Variants in CLEC9A observed in about 807,000 individuals in gnomAD.
The protein encoded by CLEC9A is C-type lectin domain containing 9A.
In CLEC9A, 24 loss-of-function variants were observed where a neutral mutation model predicts 30.0. The observed-to-expected ratio is 0.80, with a 90% CI of 0.58 to 1.13. The LOEUF (loss-of-function observed/expected upper bound fraction) is 1.13. Ranked by LOEUF, CLEC9A falls within the 50% of genes most tolerant of loss-of-function variation. CLEC9A has a pLI of 0.00. For synonymous variants in CLEC9A, 111 were observed against 96.8 expected, an observed-to-expected ratio of 1.15 and a Z score of -0.86; for missense variants, 251 against 280.9, an observed-to-expected ratio of 0.89 and a Z score of 0.76.
chr12:10,038,104 T>A (rs1055986178), intron 1 of CLEC9A, among the ~76,000 whole-genome samples: 4 of 152,234 alleles, frequency 2.6e-5, no homozygotes, highest in African/African-American at 4.8e-5. Flanking sequence ...ATATTTTAAC[T>A]GAGATAAAAA....
intron 1 of CLEC9A, among the ~76,000 whole-genome samples, chr12:10,031,225 G>A (rs1185245720): frequency 6.6e-6 from 1 of 152,202 alleles, no homozygotes; most frequent in African/African-American, 2.4e-5. Context: ...AAGTGGAGGG[G>A]AAGGCTGGAG....
intron 1 of CLEC9A, among the ~76,000 whole-genome samples, chr12:10,031,274 G>A (rs1159549910): frequency 6.6e-6 from 1 of 152,226 alleles, no homozygotes; most frequent in Non-Finnish European, 1.5e-5. Context: ...TCAATGGCCT[G>A]ATACTGCAGG....
intron 5 of CLEC9A, among the ~76,000 whole-genome samples, chr12:10,054,928 A>C (rs1439576637): frequency 6.6e-6 from 1 of 152,224 alleles, no homozygotes. Flanking sequence ...GCTACCACTA[A>C]GAAAAATGTA....
At chr12:10,061,317 T>C in intron 6 of CLEC9A, 44 bp downstream of exon 6, 1 of 1,517,694 alleles carries the variant, frequency 6.6e-7, no homozygotes, top group Non-Finnish European at 8.9e-7. Flanking sequence ...TCTAAATATA[T>C]ACACCAATAC....
At chr12:10,042,819 C>T (rs1591886158) in intron 2 of CLEC9A, among the ~76,000 whole-genome samples, 1 of 152,280 alleles carries the variant, frequency 6.6e-6, no homozygotes, top group African/African-American at 2.4e-5. Context: ...AAAACCAAAC[C>T]ATGTAGAGTT....
At chr12:10,038,394 G>C (rs1267541278) in intron 1 of CLEC9A, among the ~76,000 whole-genome samples, 1 of 152,160 alleles carries the variant, frequency 6.6e-6, no homozygotes, top group Admixed American at 6.5e-5. Context: ...TCAGAGTGAA[G>C]GAGATAGCAG....
At chr12:10,052,298 A>G in intron 3 of CLEC9A, 1 of 169,300 alleles carries the variant, frequency 5.9e-6, no homozygotes, top group Non-Finnish European at 1.3e-5. Context: ...TTATATCTTC[A>G]CTATCTAGGT....
chr12:10,062,014 G>C (rs1353060216), intron 6 of CLEC9A, among the ~76,000 whole-genome samples: 1 of 152,174 alleles, frequency 6.6e-6, no homozygotes, highest in Non-Finnish European at 1.5e-5. Flanking sequence ...GCCCAACCAT[G>C]TTTCTCTATG....
rs774499535 is a variant in CLEC9A at position 10,052,749 on chromosome 12, A to G, written c.62A>G (p.Gln21Arg). 2 of 1,613,914 alleles carry G rather than the reference A, an allele frequency of 1.2e-6. No individual in the cohort carries two copies. The highest frequency in any genetic ancestry group is 3.3e-5 in the Admixed American group (2 of 60,018). ...GATAGCCCAGCACCAGACACTTACCAGAAATGTCTGTCTTCCAACAAATGT... is the reference window on the plus strand; with the variant it reads ...GATAGCCCAGCACCAGACACTTACCGGAAATGTCTGTCTTCCAACAAATGT... The part of the protein sequence containing the change: ...QWDSPAPDTY[Q>R]KCLSSNKCSG... Residue 21 changes from glutamine to arginine, a missense_variant, in exon 4 of 9, where the codon CAG becomes CGG. Gln to Arg is a conservative substitution (Grantham distance 43). Transcript: ENST00000355819.
intron 7 of CLEC9A, 126 bp downstream of exon 7, chr12:10,063,332 AG>A (rs1247699026): frequency 1.1e-6 from 1 of 923,324 alleles, no homozygotes; most frequent in African/African-American, 1.7e-5. Flanking sequence ...GTAAAAATAA[AG>A]GTTTAAAAGA....
chr12:10,032,771 T>G (rs1257300463), intron 1 of CLEC9A, among the ~76,000 whole-genome samples: 1 of 152,170 alleles, frequency 6.6e-6, no homozygotes, highest in East Asian at 1.9e-4. Context: ...ACTTGTTCAC[T>G]CACCTTCACC....
At chr12:10,043,932 G>C (rs574032625) in intron 2 of CLEC9A, among the ~76,000 whole-genome samples, 21 of 152,092 alleles carry the variant, frequency 1.4e-4, no homozygotes, top group Non-Finnish European at 2.5e-4. Flanking sequence ...GCCTGCCTCA[G>C]CCTCCCAAAG....
intron 5 of CLEC9A, among the ~76,000 whole-genome samples, chr12:10,058,434 A>G (rs908151473): frequency 6.6e-6 from 1 of 152,228 alleles, no homozygotes; most frequent in African/African-American, 2.4e-5. Context: ...ACCGATGGAC[A>G]GGGCATACAC....
chr12:10,065,103 A>G (rs1866031866), intron 8 of CLEC9A, among the ~76,000 whole-genome samples: 1 of 152,142 alleles, frequency 6.6e-6, no homozygotes, highest in South Asian at 2.1e-4. Context: ...TGAATAATAT[A>G]ATTATCAAGT....
chr12:10,052,522 C>T, intron 3 of CLEC9A, 108 bp from the exon 4 acceptor site: 1 of 1,302,058 alleles, frequency 7.7e-7, no homozygotes, highest in South Asian at 2.5e-5. Context: ...CTTCCACTTT[C>T]TGAATGAAGG....
chr12:10,032,364 C>G (rs1026927875), intron 1 of CLEC9A, among the ~76,000 whole-genome samples: 2 of 151,518 alleles, frequency 1.3e-5, no homozygotes, highest in African/African-American at 4.8e-5. Flanking sequence ...TATTAAAATC[C>G]ATCCACCTAC....
At position 10,041,478 on chromosome 12, in the gene CLEC9A, G is replaced by A. The variant is rs753661358; in HGVS notation, c.-305G>A. On this transcript the variant is annotated 5_prime_UTR_variant, in exon 2 of 9. Transcript: ENST00000355819. The stretch of plus-strand genomic sequence containing the variant: ...TTGGTTTCTCCAGGTGACTATAAAC[G>A]CAGCCCCTGTGATGCCAACTGGACA... The A allele has an allele frequency of 3.9e-5, 17 of 438,992 alleles. No individual in the cohort carries two copies. Among genetic ancestry groups the A allele is most frequent in the African/African-American group, 1.2e-4 (6 of 48,438 alleles). 27.2% of individuals were successfully genotyped at this position (438,992 alleles called of 1,614,324 possible).
In CLEC9A at chr12:10,056,633, T is replaced by C. The variant is rs546851586; in HGVS notation, c.172+2282T>C. On this transcript the variant is annotated intron_variant, in intron 5 of 8. Coordinates refer to ENST00000355819, the MANE Select transcript of CLEC9A (RefSeq NM_207345.4). Reference sequence around the variant, plus strand: ...CAATGGAAGGTTATATAAGAAATACTAAAAGTGAGGGCAAGAGAAGTGAGA... The same window carrying C: ...CAATGGAAGGTTATATAAGAAATACCAAAAGTGAGGGCAAGAGAAGTGAGA... Among the ~76,000 whole-genome samples the C allele has an allele frequency of 3.9e-4, 60 of 152,252 alleles. 1 individual carries two copies. The Middle Eastern group carries it at 0.01, about 26-fold the overall frequency.
At chr12:10,048,772 G>C (rs147652398) in intron 2 of CLEC9A, among the ~76,000 whole-genome samples, 41 of 152,198 alleles carry the variant, frequency 2.7e-4, no homozygotes, top group African/African-American at 8.4e-4. Flanking sequence ...CCGCCACTGA[G>C]GTCTTGAATC....
Sources: gnomAD v4.1 joint callset for allele counts (sites outside exome capture counted in the v4.1 genomes callset) on GRCh38, gnomAD v4.1.1 for gene constraint, MANE v1.5 for transcripts, NCBI Gene and HGNC (gene_info 2026-07-23, HGNC 2026-07-21) for gene names.